The following GLCCI1 variants were observed in gnomAD, a reference collection of about 807,000 sequenced individuals.
GLCCI1 encodes the protein glucocorticoid induced 1.
A neutral mutation model predicts 52.2 loss-of-function variants in GLCCI1; 24 were observed. That is an observed-to-expected ratio of 0.46 (90% CI 0.33 to 0.65). GLCCI1 has a LOEUF of 0.65. Among genes scored for constraint, GLCCI1 ranks in the 30% least tolerant of loss-of-function variants. The pLI, the probability that GLCCI1 is intolerant of heterozygous loss-of-function variation, is 0.02. For missense variants in GLCCI1, 704 were observed against 701.5 expected (o/e 1.00, Z -0.04); for synonymous variants, 310 against 276.5 (o/e 1.12, Z -1.20).
intron 5 of GLCCI1, among the ~76,000 whole-genome samples, chr7:8,063,672 A>G (rs904559449): frequency 7.0e-5 from 9 of 128,702 alleles, no homozygotes; most frequent in African/African-American, 2.7e-4. Flanking sequence ...AGGCTGGAGT[A>G]TAGCGGCACA....
At chr7:8,080,323 T>C (rs149961468) in intron 6 of GLCCI1, among the ~76,000 whole-genome samples, 1 of 151,720 alleles carries the variant, frequency 6.6e-6, no homozygotes, top group East Asian at 1.9e-4. Flanking sequence ...TGTCATTGAG[T>C]AAAGTGTTGG....
At chr7:8,085,584 T>A (rs1783088388) in intron 7 of GLCCI1, among the ~76,000 whole-genome samples, 1 of 152,200 alleles carries the variant, frequency 6.6e-6, no homozygotes, top group South Asian at 2.1e-4. Flanking sequence ...TTTGTTCCAG[T>A]GCAGGTGCCT....
intron 6 of GLCCI1, among the ~76,000 whole-genome samples, chr7:8,076,903 G>A (rs1782887235): frequency 6.6e-6 from 1 of 152,092 alleles, no homozygotes; most frequent in Admixed American, 6.5e-5. Flanking sequence ...TTATAGCTAT[G>A]TTGAAAATGT....
rs568631257 is a variant in GLCCI1, at chr7:8,088,365, A to C, written c.*1827A>C. On this transcript the variant is annotated 3_prime_UTR_variant, in exon 8 of 8. Transcript: ENST00000223145. The stretch of plus-strand genomic sequence containing the variant: ...CCTGAAGGTGCATTCTGGCTCCTTT[A>C]AATTAGTCAGTGTTATATTGTAGGA... 2 of 152,560 alleles carry C rather than the reference A, an allele frequency of 1.3e-5. No homozygotes were observed. Among genetic ancestry groups the C allele is most frequent in the South Asian group, 4.1e-4 (2 of 4,824 alleles). The allele number at this position is 152,560 out of a possible 1,614,324, so 9.5% of individuals were successfully genotyped here.
chr7:7,978,953 C>G (rs575814732), intron 1 of GLCCI1, among the ~76,000 whole-genome samples: 1 of 152,036 alleles, frequency 6.6e-6, no homozygotes, highest in Admixed American at 6.5e-5. Flanking sequence ...TAATATCTTT[C>G]GAAGTTTTGT....
At chr7:7,997,144 A>C (rs1414812377) in intron 1 of GLCCI1, among the ~76,000 whole-genome samples, 1 of 152,190 alleles carries the variant, frequency 6.6e-6, no homozygotes, top group Non-Finnish European at 1.5e-5. Flanking sequence ...TGTACATTAG[A>C]TTGGGTAGAA....
At chr7:8,019,425 G>A (rs1005414288) in intron 2 of GLCCI1, among the ~76,000 whole-genome samples, 3 of 152,092 alleles carry the variant, frequency 2.0e-5, no homozygotes, top group African/African-American at 7.2e-5. Context: ...TAAATTGATG[G>A]AATTAAAACT....
chr7:8,057,223 T>C (rs1250230800), intron 4 of GLCCI1, among the ~76,000 whole-genome samples: 1 of 152,022 alleles, frequency 6.6e-6, no homozygotes, highest in African/African-American at 2.4e-5. Flanking sequence ...AATAAAAGCA[T>C]ATGTCCACAC....
intron 1 of GLCCI1, among the ~76,000 whole-genome samples, chr7:7,997,557 A>G (rs917258149): frequency 2.0e-5 from 3 of 152,174 alleles, no homozygotes; most frequent in African/African-American, 7.2e-5. Flanking sequence ...TTCAATGAAG[A>G]TTGAATTAAT....
At position 8,071,249 on chromosome 7, in the gene GLCCI1, G is replaced by A. The variant is rs561822291; in HGVS notation, c.1177+118G>A. The A allele has an allele frequency of 1.8e-5, 14 of 761,408 alleles. No homozygotes were observed. The East Asian group carries it at 3.7e-4, about 20-fold the overall frequency. The allele number at this position is 761,408 out of a possible 1,614,324, so 47.2% of individuals were successfully genotyped here. ...TTCAATGGTGACATTGTCAAAGATT[G>A]GTTAATCTAGGTTTCTTTGTTCATT... On this transcript the variant is annotated intron_variant, in intron 6 of 7. Coordinates refer to ENST00000223145, the MANE Select transcript of GLCCI1 (RefSeq NM_138426.4).
At chr7:7,971,875 A>G (rs912962575) in intron 1 of GLCCI1, among the ~76,000 whole-genome samples, 1 of 152,210 alleles carries the variant, frequency 6.6e-6, no homozygotes, top group African/African-American at 2.4e-5. Flanking sequence ...TTGGGAATGC[A>G]AGGGCTTTCT....
At chr7:8,080,636 G>C (rs1475968179) in intron 6 of GLCCI1, among the ~76,000 whole-genome samples, 1 of 151,328 alleles carries the variant, frequency 6.6e-6, no homozygotes, top group African/African-American at 2.5e-5. Context: ...TACCGGAGTA[G>C]AGTACACAAA....
chr7:8,038,925 C>T (rs995601172), intron 3 of GLCCI1, among the ~76,000 whole-genome samples: 4 of 151,902 alleles, frequency 2.6e-5, no homozygotes, highest in African/African-American at 7.3e-5. Flanking sequence ...AAAAAAAATA[C>T]GTAACCCTGT....
intron 1 of GLCCI1, chr7:7,980,602 T>C: frequency 1.4e-6 from 1 of 719,408 alleles, no homozygotes; most frequent in Non-Finnish European, 2.4e-6. Flanking sequence ...TGGCCTAGGA[T>C]TGTATGGTGA....
chr7:8,061,919 G>A (rs959164870), intron 5 of GLCCI1, among the ~76,000 whole-genome samples: 1 of 151,846 alleles, frequency 6.6e-6, no homozygotes, highest in East Asian at 1.9e-4. Context: ...CGCCCACCTC[G>A]GCCTCCCAAC....
At chr7:8,055,653 C>G (rs1782372366) in intron 4 of GLCCI1, 104 bp downstream of exon 4, 7 of 742,858 alleles carry the variant, frequency 9.4e-6, no homozygotes, top group East Asian at 2.6e-5. Flanking sequence ...TTTAGCTCTA[C>G]TAAATTACTA....
intron 2 of GLCCI1, among the ~76,000 whole-genome samples, chr7:8,020,418 T>A (rs950902869): frequency 2.0e-5 from 3 of 152,228 alleles, no homozygotes; most frequent in Non-Finnish European, 2.9e-5. Context: ...TAACACACTC[T>A]GAAATAACTG....
chr7:8,044,533 G>A (rs1583996455), intron 3 of GLCCI1, among the ~76,000 whole-genome samples: 2 of 151,950 alleles, frequency 1.3e-5, no homozygotes, highest in Non-Finnish European at 2.9e-5. Flanking sequence ...ACCACACCTG[G>A]CTAATTTTTG....
chr7:7,974,685 T>C (rs921446818), intron 1 of GLCCI1, among the ~76,000 whole-genome samples: 2 of 152,170 alleles, frequency 1.3e-5, no homozygotes, highest in African/African-American at 4.8e-5. Context: ...TCTGAAATTT[T>C]AAAAAATTCT....
Sources: allele counts gnomAD v4.1 joint callset (sites outside exome capture counted in the v4.1 genomes callset), GRCh38; gene constraint gnomAD v4.1.1; transcripts MANE v1.5; gene names NCBI Gene and HGNC (gene_info 2026-07-23, HGNC 2026-07-21).